Variants in UBR1 observed in about 807,000 individuals in gnomAD.
UBR1 encodes ubiquitin protein ligase E3 component n-recognin 1, also known as E3 ubiquitin-protein ligase UBR1.
Under a neutral mutation model 242.1 loss-of-function variants are expected in UBR1, and 102 were observed. The ratio of observed to expected loss-of-function variants is 0.42; its 90% CI spans 0.36 to 0.50. The LOEUF (loss-of-function observed/expected upper bound fraction) is 0.50. Ranked by LOEUF, UBR1 falls within the 20% of genes least tolerant of loss-of-function variation. The pLI is 0.01. For missense variants in UBR1, 1,772 were observed against 2,101.8 expected (o/e 0.84, Z 3.07); for synonymous variants, 675 against 684.8 (o/e 0.99, Z 0.22).
chr15:43,022,072 G>C (rs943122323), intron 26 of UBR1, among the ~76,000 whole-genome samples: 1 of 152,042 alleles, frequency 6.6e-6, no homozygotes, highest in Non-Finnish European at 1.5e-5. Context: ...AAATATTGAA[G>C]TGGAGGACTG....
At chr15:42,985,818 G>C (rs981150389) in intron 35 of UBR1, among the ~76,000 whole-genome samples, 1 of 151,794 alleles carries the variant, frequency 6.6e-6, no homozygotes, top group Admixed American at 6.6e-5. Flanking sequence ...GTGAAACCCT[G>C]TCTCTACAAA....
intron 10 of UBR1, among the ~76,000 whole-genome samples, chr15:43,057,970 C>T (rs1290580884): frequency 1.3e-5 from 2 of 150,778 alleles, no homozygotes; most frequent in African/African-American, 4.9e-5. Context: ...AGGGCAGTGG[C>T]GCGATCTTGG....
intron 29 of UBR1, among the ~76,000 whole-genome samples, chr15:43,014,545 G>C (rs1436642280): frequency 6.6e-6 from 1 of 152,026 alleles, no homozygotes; most frequent in African/African-American, 2.4e-5. Context: ...CCCCGTCTGG[G>C]ATGTGAGTGC....
chr15:43,044,460 C>T (rs1271277192), intron 14 of UBR1, among the ~76,000 whole-genome samples: 1 of 152,114 alleles, frequency 6.6e-6, no homozygotes, highest in Non-Finnish European at 1.5e-5. Flanking sequence ...TGGGTGAATA[C>T]AGAAGGGAGA....
intron 32 of UBR1, among the ~76,000 whole-genome samples, chr15:43,001,587 G>A (rs1041389720): frequency 1.3e-5 from 2 of 152,114 alleles, no homozygotes; most frequent in African/African-American, 4.8e-5. Context: ...GCATTTTAAA[G>A]CAACTGAAAT....
In UBR1 at chr15:43,074,919, C is replaced by T. The variant is rs955443141; in HGVS notation, c.528+60G>A. 3.8e-6 allele frequency: 5 copies of T among 1,317,230 alleles called. No homozygotes were observed. The African/African-American group carries it at 5.8e-5, about 15-fold the overall frequency. 81.6% of individuals were successfully genotyped at this position (1,317,230 alleles called of 1,614,324 possible). A position where few individuals can be genotyped will look rare whatever the true frequency, so the allele number is the denominator to read the frequency against. ...GGAATCTATACACATAACATTTATT[C>T]TTATCTAATCTCAGCAAACTTAAAA... is the stretch of plus-strand genomic sequence containing the variant. On this transcript the variant is annotated intron_variant, in intron 4 of 46. Transcript: ENST00000290650.
chr15:43,090,728 G>A (rs1171367906), intron 1 of UBR1, among the ~76,000 whole-genome samples: 2 of 151,888 alleles, frequency 1.3e-5, no homozygotes, highest in Non-Finnish European at 2.9e-5. Flanking sequence ...GTCTTGTTTA[G>A]AAGAAATTTA....
chr15:43,034,018 T>C (rs2141314455), intron 19 of UBR1, among the ~76,000 whole-genome samples: 1 of 152,018 alleles, frequency 6.6e-6, no homozygotes, highest in African/African-American at 2.4e-5. Flanking sequence ...GGCGGGTGGA[T>C]CACAAGGTCA....
At chr15:42,986,611 T>C (rs1223701622) in intron 35 of UBR1, among the ~76,000 whole-genome samples, 1 of 152,256 alleles carries the variant, frequency 6.6e-6, no homozygotes, top group Non-Finnish European at 1.5e-5. Flanking sequence ...CTATTTTATA[T>C]AAACCTCACC....
chr15:43,045,214 T>C (rs567338596), intron 14 of UBR1, among the ~76,000 whole-genome samples: 45 of 152,236 alleles, frequency 3.0e-4, no homozygotes, highest in South Asian at 2.1e-3. Flanking sequence ...ATCCCAGCAC[T>C]TTGGGAGGCC....
At chr15:42,973,187 G>A (rs147671374) in intron 39 of UBR1, among the ~76,000 whole-genome samples, 6 of 152,240 alleles carry the variant, frequency 3.9e-5, no homozygotes, top group South Asian at 4.2e-4. Context: ...TTTTAGAGAC[G>A]GGATCTTGCT....
At chr15:43,041,241 C>A (rs2033413510) in intron 15 of UBR1, among the ~76,000 whole-genome samples, 1 of 152,160 alleles carries the variant, frequency 6.6e-6, no homozygotes, top group Admixed American at 6.5e-5. Flanking sequence ...GGCACATATA[C>A]ACCATGGAAT....
intron 37 of UBR1, among the ~76,000 whole-genome samples, chr15:42,983,487 A>C (rs915989353): frequency 2.0e-5 from 3 of 151,086 alleles, no homozygotes; most frequent in African/African-American, 4.9e-5. Context: ...GTGAAACCCC[A>C]TCTCTGCTAA....
chr15:43,014,935 A>G (rs1301305271), intron 29 of UBR1, among the ~76,000 whole-genome samples: 1 of 138,268 alleles, frequency 7.2e-6, no homozygotes, highest in Non-Finnish European at 1.6e-5. Context: ...GGTGTGGGTC[A>G]GCCCCCGCCC....
chr15:42,976,597 T>TAA, intron 39 of UBR1, 120 bp downstream of exon 39: 2 of 958,776 alleles, frequency 2.1e-6, no homozygotes, highest in Non-Finnish European at 3.1e-6. Flanking sequence ...CAGATAATCA[T>TAA]TCAACAAAAA....
rs138963903 is a variant in UBR1 at position 43,094,009 on chromosome 15, G to A, written c.82-7769C>T. Among the ~76,000 whole-genome samples the A allele has an allele frequency of 4.6e-5, 7 of 152,120 alleles. No homozygotes were observed. The East Asian group carries it at 1.4e-3, about 29-fold the overall frequency. ...AAAAGAGAATAAAGAAATTTGGCCA[G>A]CCCTAAAGACATGGTATCCTGACCA... is the stretch of plus-strand genomic sequence containing the variant. On this transcript the variant is annotated intron_variant, in intron 1 of 46. Coordinates refer to ENST00000290650, the MANE Select transcript of UBR1 (RefSeq NM_174916.3).
chr15:43,041,651 C>T (rs192506628), intron 15 of UBR1, among the ~76,000 whole-genome samples: 171 of 151,900 alleles, frequency 1.1e-3, no homozygotes, highest in African/African-American at 4.0e-3. Flanking sequence ...GATATGACAC[C>T]AAAAGCACAG....
chr15:42,949,065 G>A (rs2031784183), intron 46 of UBR1, among the ~76,000 whole-genome samples: 2 of 152,026 alleles, frequency 1.3e-5, no homozygotes, highest in Non-Finnish European at 2.9e-5. Context: ...TTAAGAAAAT[G>A]TGGCACATAT....
intron 27 of UBR1, among the ~76,000 whole-genome samples, chr15:43,019,115 G>A (rs1402511934): frequency 6.6e-6 from 1 of 151,916 alleles, no homozygotes; most frequent in Non-Finnish European, 1.5e-5. Flanking sequence ...ACGCTGGAGT[G>A]CAGTGGTGTT....
Sources: allele counts gnomAD v4.1 joint callset (sites outside exome capture counted in the v4.1 genomes callset), GRCh38; gene constraint gnomAD v4.1.1; transcripts MANE v1.5; gene names NCBI Gene and HGNC (gene_info 2026-07-23, HGNC 2026-07-21).